SCD: variants seen among roughly 807,000 people sequenced by gnomAD.
The protein encoded by SCD is stearoyl-CoA desaturase, also known as acyl-CoA desaturase.
Under a neutral mutation model 35.7 loss-of-function variants are expected in SCD, and 4 were observed. The ratio of observed to expected loss-of-function variants is 0.11; its 90% CI spans 0.06 to 0.26. SCD has a LOEUF of 0.26. SCD is among the 10% of genes least tolerant of loss of function. The pLI, the probability that SCD is intolerant of heterozygous loss-of-function variation, is 1.00. For missense variants in SCD, 282 were observed against 460.7 expected, an observed-to-expected ratio of 0.61 and a Z score of 3.55; for synonymous variants, 150 against 170.2, an observed-to-expected ratio of 0.88 and a Z score of 0.92.
intron 5 of SCD, among the ~76,000 whole-genome samples, chr10:100,358,106 C>T (rs1242545196): frequency 6.6e-6 from 1 of 152,108 alleles, no homozygotes; most frequent in Non-Finnish European, 1.5e-5. Context: ...CTCAAGCGAT[C>T]CTCGGGGTTC....
Position 100,362,028 on chromosome 10 carries a change from C to T in SCD, c.*1095C>T, listed in dbSNP as rs1402917574. 6.6e-6 allele frequency: 1 copy of T among 152,088 alleles called. No individual in the cohort carries two copies. The highest frequency in any genetic ancestry group is 1.5e-5 in the Non-Finnish European group (1 of 68,034). 9.4% of individuals were successfully genotyped at this position (152,088 alleles called of 1,614,324 possible). On this transcript the variant is annotated 3_prime_UTR_variant, in exon 6 of 6. Transcript: ENST00000370355. ...AAAATAAAATATATATACATATATA[C>T]ATTGCTTAGAACGTTAAACTATTAG...
chr10:100,351,350 C>G (rs368535169), intron 2 of SCD, among the ~76,000 whole-genome samples: 1 of 148,858 alleles, frequency 6.7e-6, no homozygotes, highest in Non-Finnish European at 1.5e-5. Flanking sequence ...GAGCGTTGCC[C>G]GGTGAGAGTA....
chr10:100,347,368 C>G lies in SCD; in HGVS notation c.-137C>G. 1 of 966,254 alleles carries G rather than the reference C, an allele frequency of 1.0e-6. No individual in the cohort carries two copies. Among genetic ancestry groups the G allele is most frequent in the Non-Finnish European group, 1.6e-6 (1 of 614,570 alleles). The allele number at this position is 966,254 out of a possible 1,614,324, so 59.9% of individuals were successfully genotyped here. A position where few individuals can be genotyped will look rare whatever the true frequency, so the allele number is the denominator to read the frequency against. ...GACCTCCACGCACCGCGGCTAGCGC[C>G]GACAACCAGCTAGCGTGCAAGGCGC... On this transcript the variant is annotated 5_prime_UTR_variant, in exon 1 of 6. Transcript: ENST00000370355.
rs1006608535 is a variant in SCD, at chr10:100,359,711, T to C, written c.881-1023T>C. The stretch of plus-strand genomic sequence containing the variant: ...CTTCTGATTAATGTCATGACTGGTC[T>C]GTCTGAGGGTACTGTTATCTACAAA... On this transcript the variant is annotated intron_variant, in intron 5 of 5. Coordinates refer to ENST00000370355, the MANE Select transcript of SCD (RefSeq NM_005063.5). 3.3e-5 allele frequency among the ~76,000 whole-genome samples: 5 copies of C among 152,218 alleles called. No homozygotes were observed. The East Asian group carries it at 9.6e-4, about 29-fold the overall frequency.
chr10:100,354,758 T>G, intron 4 of SCD, 126 bp downstream of exon 4: 2 of 735,136 alleles, frequency 2.7e-6, no homozygotes, highest in Non-Finnish European at 4.5e-6. Flanking sequence ...GTTCACAATC[T>G]TAATTTAAAA....
Position 100,354,477 on chromosome 10 carries a change from A to C in SCD, c.492A>C (p.Ser164=). ...ACCACCGTGCCCACCACAAGTTTTC[A>C]GAAACACATGCTGATCCTCATAATT... ...ARDHRAHHKF[S]ETHADPHNSR... The change falls in exon 4 of 6, where the codon TCA becomes TCC. Residue 164 remains serine, a synonymous_variant. Coordinates refer to ENST00000370355, the MANE Select transcript of SCD (RefSeq NM_005063.5). 6.2e-7 allele frequency: 1 copy of C among 1,614,028 alleles called. No individual in the cohort carries two copies. The highest frequency in any genetic ancestry group is 1.7e-4 in the Middle Eastern group (1 of 6,058).
chr10:100,363,213 G>C lies in SCD; in HGVS notation c.*2280G>C, dbSNP rs200200425. On this transcript the variant is annotated 3_prime_UTR_variant, in exon 6 of 6. Coordinates refer to ENST00000370355, the MANE Select transcript of SCD (RefSeq NM_005063.5). ...ACAGCCTAGGGCAGACAATAGTATA[G>C]AAGTCTGGAAAAAAACAAAAACAGA... The C allele has an allele frequency of 6.6e-6, 1 of 152,270 alleles. No individual in the cohort carries two copies. The highest frequency in any genetic ancestry group is 2.4e-5 in the African/African-American group (1 of 41,420). The allele number at this position is 152,270 out of a possible 1,614,324, so 9.4% of individuals were successfully genotyped here.
chr10:100,355,267 G>A (rs1446550969), intron 4 of SCD, among the ~76,000 whole-genome samples: 1 of 152,140 alleles, frequency 6.6e-6, no homozygotes, highest in Non-Finnish European at 1.5e-5. Context: ...AGGGGAGGGA[G>A]ATTGCTCAAT....
In SCD at chr10:100,364,040, C is replaced by G. The variant is rs1229933822; in HGVS notation, c.*3107C>G. The G allele has an allele frequency of 1.3e-5, 2 of 151,672 alleles. No homozygotes were observed. Among genetic ancestry groups the G allele is most frequent in the African/African-American group, 2.4e-5 (1 of 41,164 alleles). 9.4% of individuals were successfully genotyped at this position (151,672 alleles called of 1,614,324 possible). On this transcript the variant is annotated 3_prime_UTR_variant, in exon 6 of 6. Transcript: ENST00000370355. ...TCCCTTCTGGGCTTCATTCTGGAAA[C>G]TTTTGTTAGGGCTGCTTTTCTTAAG...
chr10:100,358,216 G>T (rs1280661908), intron 5 of SCD, among the ~76,000 whole-genome samples: 1 of 152,044 alleles, frequency 6.6e-6, no homozygotes, highest in African/African-American at 2.4e-5. Context: ...GCACAGGCTG[G>T]TCTCGAACTC....
chr10:100,360,634 G>A lies in SCD; in HGVS notation c.881-100G>A, dbSNP rs577003299. The A allele has an allele frequency of 2.9e-5, 27 of 937,040 alleles. 1 individual carries two copies. The South Asian group carries it at 3.4e-4, about 12-fold the overall frequency. The allele number at this position is 937,040 out of a possible 1,614,324, so 58.0% of individuals were successfully genotyped here. The stretch of plus-strand genomic sequence containing the variant: ...GAATTCATCCATTCAACAATAGCGA[G>A]TTTCTCCCAGGTGTGAGGTACCCTG... On this transcript the variant is annotated intron_variant, in intron 5 of 5. Coordinates refer to ENST00000370355, the MANE Select transcript of SCD (RefSeq NM_005063.5).
At position 100,361,188 on chromosome 10, in the gene SCD, G is replaced by A. The variant is rs1461976337; in HGVS notation, c.*255G>A. The stretch of plus-strand genomic sequence containing the variant: ...TCCTCCTTTTCACTTTATTGCTATC[G>A]CCCTCCTTTCCCTTATTGCCTCCCA... On this transcript the variant is annotated 3_prime_UTR_variant, in exon 6 of 6. Coordinates refer to ENST00000370355, the MANE Select transcript of SCD (RefSeq NM_005063.5). The A allele has an allele frequency of 1.3e-5, 6 of 470,628 alleles. No homozygotes were observed. The highest frequency in any genetic ancestry group is 8.0e-5 in the East Asian group (2 of 24,940). The allele number at this position is 470,628 out of a possible 1,614,324, so 29.2% of individuals were successfully genotyped here.
intron 5 of SCD, among the ~76,000 whole-genome samples, chr10:100,358,337 A>G (rs1849950763): frequency 6.6e-6 from 1 of 151,800 alleles, no homozygotes; most frequent in South Asian, 2.1e-4. Context: ...ATTGCCTGTA[A>G]TCCCAGCACT....
Position 100,364,677 on chromosome 10 carries a change from T to C in SCD, c.*3744T>C, listed in dbSNP as rs201698963. Reference sequence around the variant, plus strand: ...CATACAGAGGATGCCTTTTCTGTGATTGGGTGGGATTTTTTCCCTTTTTAT... The same window carrying C: ...CATACAGAGGATGCCTTTTCTGTGACTGGGTGGGATTTTTTCCCTTTTTAT... On this transcript the variant is annotated 3_prime_UTR_variant, in exon 6 of 6. Transcript: ENST00000370355. 1.3e-5 allele frequency: 2 copies of C among 152,728 alleles called. No homozygotes were observed. The highest frequency in any genetic ancestry group is 6.5e-5 in the Admixed American group (1 of 15,302). 9.5% of individuals were successfully genotyped at this position (152,728 alleles called of 1,614,324 possible).
Position 100,352,621 on chromosome 10 carries a change from G to A in SCD, c.441+125G>A. ...CCATTTCACTTTCCTCTCTCCTGTA[G>A]TCACCTCAAGTTCCAGTTCAGTCCT... On this transcript the variant is annotated intron_variant, in intron 3 of 5. Transcript: ENST00000370355. This position sits in a 1 kb window ranked among gnomAD's most constrained non-coding sequence, Gnocchi z 4.2. 1.1e-6 allele frequency: 1 copy of A among 874,052 alleles called. No individual in the cohort carries two copies. The highest frequency in any genetic ancestry group is 1.8e-6 in the Non-Finnish European group (1 of 552,256). The allele number at this position is 874,052 out of a possible 1,614,324, so 54.1% of individuals were successfully genotyped here.
At chr10:100,354,982 G>C (rs190842111) in intron 4 of SCD, among the ~76,000 whole-genome samples, 2 of 152,270 alleles carry the variant, frequency 1.3e-5, no homozygotes, top group Non-Finnish European at 2.9e-5. Flanking sequence ...CCAGGCTGGA[G>C]TGCAGTGGCA....
In SCD at chr10:100,352,126, A is replaced by C. The variant is rs1849878295; in HGVS notation, c.311-240A>C. ...CACTATTCTCTCTCCTGCCTTTCTG[A>C]CTCCTTAGTTCCTGGGATTCTTTAG... On this transcript the variant is annotated intron_variant, in intron 2 of 5. Coordinates refer to ENST00000370355, the MANE Select transcript of SCD (RefSeq NM_005063.5). This position sits in a 1 kb window ranked among gnomAD's most constrained non-coding sequence, Gnocchi z 4.2. Among the ~76,000 whole-genome samples, 1 of 151,476 alleles carries C rather than the reference A, an allele frequency of 6.6e-6. No homozygotes were observed. Among genetic ancestry groups the C allele is most frequent in the Non-Finnish European group, 1.5e-5 (1 of 67,884 alleles).
At chr10:100,347,600 G>A in intron 1 of SCD, 69 bp downstream of exon 1, 1 of 1,583,306 alleles carries the variant, frequency 6.3e-7, no homozygotes, top group Non-Finnish European at 8.7e-7. Context: ...GGGACGGGTT[G>A]GTGGCAGAAG....
In SCD at chr10:100,363,378, C is replaced by T. The variant is rs1398315622; in HGVS notation, c.*2445C>T. 2 of 152,254 alleles carry T rather than the reference C, an allele frequency of 1.3e-5. No homozygotes were observed. Among genetic ancestry groups the T allele is most frequent in the African/African-American group, 4.8e-5 (2 of 41,454 alleles). 9.4% of individuals were successfully genotyped at this position (152,254 alleles called of 1,614,324 possible). On this transcript the variant is annotated 3_prime_UTR_variant, in exon 6 of 6. Transcript: ENST00000370355. Reference sequence around the variant, plus strand: ...GCCCCAGTGCTGGAAGGGAGGAAGGCCTTTCTTCTGTGTTAATTGCGTAGA... The same window carrying T: ...GCCCCAGTGCTGGAAGGGAGGAAGGTCTTTCTTCTGTGTTAATTGCGTAGA...
Sources: gnomAD v4.1 joint callset for allele counts (sites outside exome capture counted in the v4.1 genomes callset) on GRCh38, gnomAD v4.1.1 for gene constraint, Gnocchi (gnomAD v3.1) non-coding constraint, MANE v1.5 for transcripts, NCBI Gene and HGNC (gene_info 2026-07-23, HGNC 2026-07-21) for gene names.